The following CDH18 variants were observed in gnomAD, a reference collection of about 807,000 sequenced individuals.
The protein encoded by CDH18 is cadherin-18.
CDH18 carries 31 observed loss-of-function variants against 67.9 expected under a neutral mutation model. The observed-to-expected ratio is 0.46, with a 90% CI of 0.34 to 0.62. The LOEUF (loss-of-function observed/expected upper bound fraction) is 0.62. Among genes scored for constraint, CDH18 ranks in the 20% least tolerant of loss-of-function variants. The probability of loss-of-function intolerance (pLI) is 0.01; values close to 1 mark genes in which losing one functional copy is unlikely to be tolerated. For missense variants in CDH18, 890 were observed against 975.5 expected, an observed-to-expected ratio of 0.91 and a Z score of 1.17; for synonymous variants, 362 against 347.2, an observed-to-expected ratio of 1.04 and a Z score of -0.48.
chr5:20,182,510 G>A (rs1215524534), intron 2 of CDH18, among the ~76,000 whole-genome samples: 1 of 140,184 alleles, frequency 7.1e-6, no homozygotes. Flanking sequence ...ACTGAGGCAG[G>A]AAAATTGCAT....
Position 20,569,486 on chromosome 5 carries a change from G to A in CDH18, c.-580+5976C>T, listed in dbSNP as rs370399451. ...AAATACAAATAATTAGCCAGGCGTG[G>A]TGTCATCCCAGCTCCTTGGGAGGCT... On this transcript the variant is annotated intron_variant, in intron 1 of 14. Coordinates refer to the CDH18 transcript ENST00000507958. 1.1e-4 allele frequency among the ~76,000 whole-genome samples: 16 copies of A among 152,104 alleles called. No homozygotes were observed. In the South Asian group the frequency reaches 3.1e-3, roughly 30 times the overall value.
intron 2 of CDH18, among the ~76,000 whole-genome samples, chr5:19,993,477 A>C (rs1006332982): frequency 5.3e-5 from 8 of 152,094 alleles, no homozygotes; most frequent in African/African-American, 1.9e-4. Context: ...TTTGGTTTTA[A>C]TTAATGTATA....
chr5:19,490,394 G>GTTTTTTTTTTTTTTT lies in CDH18; in HGVS notation c.1631-6857_1631-6843dup, dbSNP rs70950073. Among the ~76,000 whole-genome samples the GTTTTTTTTTTTTTTT allele has an allele frequency of 4.3e-4, 26 of 60,210 alleles. 3 individuals are homozygous for GTTTTTTTTTTTTTTT. The highest frequency in any genetic ancestry group is 8.0e-4 in the African/African-American group (12 of 14,916). The allele number at this position is 60,210 out of a possible 152,430, so 39.5% of individuals were successfully genotyped here. On this transcript the variant is annotated intron_variant, in intron 11 of 12. Coordinates refer to ENST00000382275, the MANE Select transcript of CDH18 (RefSeq NM_004934.5). ...TGATATATCACATATATAAAAATCT[G>GTTTTTTTTTTTTTTT]TTTTTTTTTTTTTTTTTTTTTTTTT...
At chr5:19,523,282 T>C (rs562310788) in intron 9 of CDH18, among the ~76,000 whole-genome samples, 95 of 152,266 alleles carry the variant, frequency 6.2e-4, no homozygotes, top group African/African-American at 2.2e-3. Flanking sequence ...TTAAGTTACA[T>C]GCACAATTTC....
intron 7 of CDH18, among the ~76,000 whole-genome samples, chr5:19,572,599 T>C (rs1487196048): frequency 6.6e-6 from 1 of 152,276 alleles, no homozygotes; most frequent in South Asian, 2.1e-4. Context: ...AGGCATCCTC[T>C]TTCTGGTTTA....
At chr5:20,443,803 C>T (rs899112415) in intron 1 of CDH18, among the ~76,000 whole-genome samples, 1 of 151,762 alleles carries the variant, frequency 6.6e-6, no homozygotes, top group Non-Finnish European at 1.5e-5. Context: ...TGAGTGATTC[C>T]TAGCAAAGGG....
At chr5:19,605,433 T>G in intron 6 of CDH18, among the ~76,000 whole-genome samples, 1 of 151,984 alleles carries the variant, frequency 6.6e-6, no homozygotes, top group East Asian at 1.9e-4. Flanking sequence ...TATTACTCAT[T>G]TAAAGTTAAT....
intron 3 of CDH18, among the ~76,000 whole-genome samples, chr5:19,819,129 C>T (rs1182879758): frequency 6.6e-6 from 1 of 151,608 alleles, no homozygotes. Flanking sequence ...ACAAAGTTCT[C>T]TAAAATCATG....
At chr5:19,623,814 C>T (rs980704866) in intron 5 of CDH18, among the ~76,000 whole-genome samples, 3 of 151,044 alleles carry the variant, frequency 2.0e-5, no homozygotes, top group Non-Finnish European at 4.4e-5. Context: ...CATCTAGTTC[C>T]ATTAGTAATG....
chr5:19,833,849 CCTT>C (rs1332014936), intron 3 of CDH18, among the ~76,000 whole-genome samples: 3 of 152,100 alleles, frequency 2.0e-5, no homozygotes, highest in Non-Finnish European at 4.4e-5. Flanking sequence ...GTTGAACCAG[CCTT>C]GAATCCCAGG....
At chr5:20,049,732 T>G (rs533028564) in intron 2 of CDH18, among the ~76,000 whole-genome samples, 1 of 151,778 alleles carries the variant, frequency 6.6e-6, no homozygotes, top group South Asian at 2.1e-4. Context: ...TCCATAAAAC[T>G]TAAATATGGC....
At position 20,385,747 on chromosome 5, in the gene CDH18, C is replaced by A. The variant is rs139650074; in HGVS notation, c.-579-130242G>T. 1.8e-3 allele frequency among the ~76,000 whole-genome samples: 270 copies of A among 152,082 alleles called. 3 individuals are homozygous for A. Among genetic ancestry groups the A allele is most frequent in the African/African-American group, 6.1e-3 (251 of 41,478 alleles). On this transcript the variant is annotated intron_variant, in intron 1 of 14. Coordinates refer to the CDH18 transcript ENST00000507958. ...CTTTGATGTGTCTTTATACTATTTC[C>A]CATGGTATGAAATAGACTGCTATAT...
At chr5:20,271,294 C>T (rs1340740450) in intron 1 of CDH18, among the ~76,000 whole-genome samples, 1 of 152,004 alleles carries the variant, frequency 6.6e-6, no homozygotes, top group Non-Finnish European at 1.5e-5. Context: ...GTTGTCCTCA[C>T]GAGAGGCTGG....
chr5:20,002,333 T>C (rs901658402), intron 2 of CDH18, among the ~76,000 whole-genome samples: 1 of 152,210 alleles, frequency 6.6e-6, no homozygotes, highest in Non-Finnish European at 1.5e-5. Flanking sequence ...TGGAAACAAA[T>C]CTTTAGACTT....
At chr5:20,419,702 C>T (rs1048726341) in intron 1 of CDH18, among the ~76,000 whole-genome samples, 4 of 150,552 alleles carry the variant, frequency 2.7e-5, no homozygotes, top group Admixed American at 6.6e-5. Flanking sequence ...TGGTCTCGAT[C>T]TCCTGACCTC....
At chr5:20,085,415 C>T (rs1171725001) in intron 2 of CDH18, among the ~76,000 whole-genome samples, 1 of 152,116 alleles carries the variant, frequency 6.6e-6, no homozygotes, top group Non-Finnish European at 1.5e-5. Context: ...TCCAAAATTT[C>T]CCATGCTTTC....
At chr5:19,489,447 C>A (rs62349512) in intron 11 of CDH18, among the ~76,000 whole-genome samples, 1 of 151,842 alleles carries the variant, frequency 6.6e-6, no homozygotes, top group East Asian at 1.9e-4. Context: ...CAGGGTTTCA[C>A]CATGTTGGCC....
chr5:19,708,051 G>A (rs547720273), intron 5 of CDH18, among the ~76,000 whole-genome samples: 2 of 152,258 alleles, frequency 1.3e-5, no homozygotes, highest in Admixed American at 1.3e-4. Flanking sequence ...AACCTCAAAT[G>A]ATATGGCCCA....
chr5:20,207,087 G>C (rs1371112588), intron 2 of CDH18, among the ~76,000 whole-genome samples: 1 of 146,556 alleles, frequency 6.8e-6, no homozygotes, highest in South Asian at 2.1e-4. Flanking sequence ...TGCTAATATA[G>C]AAAAAAAAAC....
Sources: allele counts gnomAD v4.1 joint callset (sites outside exome capture counted in the v4.1 genomes callset), GRCh38; gene constraint gnomAD v4.1.1; transcripts MANE v1.5; gene names NCBI Gene and HGNC (gene_info 2026-07-23, HGNC 2026-07-21).